The following NYAP2 variants were observed in gnomAD, a reference collection of about 807,000 sequenced individuals.
NYAP2 encodes neuronal tyrosine-phosphorylated phosphoinositide-3-kinase adapter 2.
A neutral mutation model predicts 50.4 loss-of-function variants in NYAP2; 23 were observed. That is an observed-to-expected ratio of 0.46 (90% CI 0.33 to 0.65). NYAP2 has a LOEUF of 0.65. NYAP2 is among the 30% of genes least tolerant of loss of function. The probability of loss-of-function intolerance (pLI) is 0.02; values close to 1 mark genes in which losing one functional copy is unlikely to be tolerated. For missense variants in NYAP2, 885 were observed against 861.0 expected, an observed-to-expected ratio of 1.03 and a Z score of -0.35; for synonymous variants, 394 against 365.2, an observed-to-expected ratio of 1.08 and a Z score of -0.90.
At chr2:225,471,873 T>C (rs1447918261) in intron 3 of NYAP2, among the ~76,000 whole-genome samples, 1 of 152,180 alleles carries the variant, frequency 6.6e-6, no homozygotes, top group African/African-American at 2.4e-5. Context: ...AAGGAACCCA[T>C]TAGTATGCAG....
intron 3 of NYAP2, among the ~76,000 whole-genome samples, chr2:225,432,700 G>A (rs16866602): frequency 0.017 from 2,543 of 152,162 alleles, 59 homozygotes; most frequent in African/African-American, 0.058. Context: ...CTTAAGTAAA[G>A]TAAAAGACTC....
intron 5 of NYAP2, among the ~76,000 whole-genome samples, chr2:225,594,246 G>A (rs539370110): frequency 2.6e-5 from 4 of 152,236 alleles, no homozygotes; most frequent in East Asian, 3.9e-4. Flanking sequence ...TTCAATGGCC[G>A]GGTGCGGTGG....
At chr2:225,541,175 A>G (rs191626052) in intron 4 of NYAP2, among the ~76,000 whole-genome samples, 2 of 152,240 alleles carry the variant, frequency 1.3e-5, no homozygotes, top group African/African-American at 2.4e-5. Flanking sequence ...AGCTCCTTAT[A>G]TATTCAGGTT....
intron 5 of NYAP2, among the ~76,000 whole-genome samples, chr2:225,614,500 T>C (rs899322397): frequency 6.6e-6 from 1 of 152,188 alleles, no homozygotes; most frequent in East Asian, 1.9e-4. Flanking sequence ...AGCCAGAGGA[T>C]TTAAAATATC....
rs76525600 is a variant in NYAP2 at position 225,466,054 on chromosome 2, C to T, written c.222-47317C>T. Among the ~76,000 whole-genome samples, 25 of 152,286 alleles carry T rather than the reference C, an allele frequency of 1.6e-4. No individual in the cohort carries two copies. The East Asian group carries it at 4.1e-3, about 25-fold the overall frequency. On this transcript the variant is annotated intron_variant, in intron 3 of 6. Coordinates refer to ENST00000636099, the Ensembl canonical transcript of NYAP2. ...ACATTGCAAATGTAGGCCTGGCAGC[C>T]GGAACCAGCCACGTGAATGGCTTGA...
chr2:225,614,060 C>T (rs755835990), intron 5 of NYAP2, among the ~76,000 whole-genome samples: 14 of 152,076 alleles, frequency 9.2e-5, no homozygotes, highest in African/African-American at 1.2e-4. Flanking sequence ...TTCAAATCCA[C>T]GATTGTATCT....
intron 5 of NYAP2, among the ~76,000 whole-genome samples, chr2:225,606,256 C>T (rs1184253897): frequency 1.3e-5 from 2 of 152,132 alleles, no homozygotes; most frequent in Admixed American, 1.3e-4. Flanking sequence ...GGTGCTATGA[C>T]TGGGACTCCC....
intron 4 of NYAP2, among the ~76,000 whole-genome samples, chr2:225,575,304 T>G (rs1692152534): frequency 6.6e-6 from 1 of 152,120 alleles, no homozygotes; most frequent in Non-Finnish European, 1.5e-5. Flanking sequence ...CCAAAACCGG[T>G]GTACAAGTTT....
intron 3 of NYAP2, among the ~76,000 whole-genome samples, chr2:225,448,261 T>G (rs572645351): frequency 8.2e-4 from 125 of 152,226 alleles, no homozygotes; most frequent in Admixed American, 1.4e-3. Flanking sequence ...GAGCTGTAAT[T>G]CAGTGATAGT....
At chr2:225,440,467 C>T (rs1019696587) in intron 3 of NYAP2, among the ~76,000 whole-genome samples, 20 of 152,142 alleles carry the variant, frequency 1.3e-4, no homozygotes, top group Non-Finnish European at 2.8e-4. Context: ...AAAACAACTT[C>T]CTTGGAGAAG....
chr2:225,520,142 G>C (rs1313093974), intron 4 of NYAP2, among the ~76,000 whole-genome samples: 3 of 152,154 alleles, frequency 2.0e-5, no homozygotes, highest in Non-Finnish European at 4.4e-5. Flanking sequence ...TTGTAAATTT[G>C]TTTGAGTTCA....
intron 4 of NYAP2, among the ~76,000 whole-genome samples, chr2:225,556,058 A>G (rs768428593): frequency 6.6e-6 from 1 of 152,106 alleles, no homozygotes; most frequent in Non-Finnish European, 1.5e-5. Context: ...TAGTATACAT[A>G]CTCTATGAAG....
At position 225,551,614 on chromosome 2, in the gene NYAP2, CTCTTTTGT is replaced by C. The variant is rs541770106; in HGVS notation, c.524-30320_524-30313del. Among the ~76,000 whole-genome samples the C allele has an allele frequency of 2.4e-4, 37 of 152,156 alleles. 1 individual carries two copies. The South Asian group carries it at 7.7e-3, about 32-fold the overall frequency. ...CACTGTAATGTCTATCCTTTGTAGG[CTCTTTTGT>C]TCTTTTTTTAAGAAGAGATCAACCC... On this transcript the variant is annotated intron_variant, in intron 4 of 6. Transcript: ENST00000636099.
the NYAP2 span, among the ~76,000 whole-genome samples, chr2:225,673,866 G>A: frequency 6.6e-6 from 1 of 152,110 alleles, no homozygotes. Context: ...GAACAAAGCC[G>A]TCTACAGTCC....
chr2:225,515,326 A>C (rs548059497), intron 4 of NYAP2, among the ~76,000 whole-genome samples: 2 of 152,182 alleles, frequency 1.3e-5, no homozygotes, highest in Non-Finnish European at 2.9e-5. Flanking sequence ...TTCTATTGTA[A>C]CTAATTTCCA....
chr2:225,571,579 C>T (rs539508105), intron 4 of NYAP2, among the ~76,000 whole-genome samples: 1 of 152,312 alleles, frequency 6.6e-6, no homozygotes, highest in South Asian at 2.1e-4. Context: ...CCCCTTTTAG[C>T]CATGGCTGGA....
chr2:225,573,736 C>T (rs191415315), intron 4 of NYAP2, among the ~76,000 whole-genome samples: 119 of 152,254 alleles, frequency 7.8e-4, no homozygotes, highest in Non-Finnish European at 1.4e-3. Context: ...GTGGCCTCTT[C>T]TATGACTAGG....
At chr2:225,434,024 A>T (rs918653897) in intron 3 of NYAP2, among the ~76,000 whole-genome samples, 9 of 152,180 alleles carry the variant, frequency 5.9e-5, no homozygotes, top group African/African-American at 1.7e-4. Flanking sequence ...CTATCATCAC[A>T]ACTGCCCATG....
intron 3 of NYAP2, among the ~76,000 whole-genome samples, chr2:225,435,230 C>A (rs901771527): frequency 6.6e-6 from 1 of 152,016 alleles, no homozygotes; most frequent in African/African-American, 2.4e-5. Flanking sequence ...GTAAATTAAG[C>A]AAAGGCATAC....
Sources: gnomAD v4.1 joint callset for allele counts (sites outside exome capture counted in the v4.1 genomes callset) on GRCh38, gnomAD v4.1.1 for gene constraint, MANE v1.5 for transcripts, NCBI Gene and HGNC (gene_info 2026-07-23, HGNC 2026-07-21) for gene names.